RTKN2: variants seen among roughly 807,000 people sequenced by gnomAD.
RTKN2 encodes the protein rhotekin 2.
In RTKN2, 69 loss-of-function variants were observed where a neutral mutation model predicts 71.5. The observed-to-expected ratio is 0.96, with a 90% CI of 0.79 to 1.18. The LOEUF is 1.18. RTKN2 is among the 50% of genes most tolerant of loss of function. The probability of loss-of-function intolerance (pLI) is 0.00; values close to 1 mark genes in which losing one functional copy is unlikely to be tolerated. For missense variants in RTKN2, 724 were observed against 719.7 expected (o/e 1.01, Z -0.07); for synonymous variants, 236 against 236.5 (o/e 1.00, Z 0.02).
At chr10:62,241,248 C>A in intron 3 of RTKN2, 53 bp from the exon 4 acceptor site, 1 of 1,079,222 alleles carries the variant, frequency 9.3e-7, no homozygotes, top group South Asian at 1.3e-5. Context: ...AAGTTTTATT[C>A]TTTACAGTGA....
rs1234262522 is a variant in RTKN2 at position 62,198,120 on chromosome 10, A to T, written c.1618T>A (p.Ser540Thr). The change falls in exon 12 of 12, where the codon TCT becomes ACT. Residue 540 changes from serine (S) to threonine (T), a missense_variant. Coordinates refer to ENST00000373789, the MANE Select transcript of RTKN2 (RefSeq NM_145307.4). ...AGAGTTGATAGTTTGGTATCCAAAG[A>T]CGATGTCTGAGATACACTTGTTTTT... is the stretch of plus-strand genomic sequence containing the variant. ...WGKTSVSQTS[S>T]LDTKLSTLMH... 20 of 1,614,052 alleles carry T rather than the reference A, an allele frequency of 1.2e-5. No individual in the cohort carries two copies. The highest frequency in any genetic ancestry group is 2.7e-5 in the African/African-American group (2 of 74,934).
intron 3 of RTKN2, among the ~76,000 whole-genome samples, chr10:62,243,049 T>C (rs952080791): frequency 6.6e-6 from 1 of 151,984 alleles, no homozygotes; most frequent in South Asian, 2.1e-4. Flanking sequence ...TTGTTACATA[T>C]GTATACATGT....
chr10:62,253,200 G>A (rs889325349), intron 2 of RTKN2, among the ~76,000 whole-genome samples: 4 of 152,126 alleles, frequency 2.6e-5, no homozygotes, highest in African/African-American at 9.7e-5. Context: ...AACAGAGGAT[G>A]TGATTTTGTT....
chr10:62,192,048 T>G (rs1051467845), downstream of RTKN2, among the ~76,000 whole-genome samples: 1 of 96,524 alleles, frequency 1.0e-5, no homozygotes, highest in African/African-American at 6.3e-5. Flanking sequence ...TATTATAAGG[T>G]TTTTTTTTAT....
chr10:62,268,438 C>A, intron 1 of RTKN2, 113 bp downstream of exon 1: 1 of 1,046,652 alleles, frequency 9.6e-7, no homozygotes, highest in Non-Finnish European at 1.5e-6. Context: ...CTGGCCACCG[C>A]TGAAATAGAG....
chr10:62,231,639 A>G (rs1446475064), intron 6 of RTKN2, among the ~76,000 whole-genome samples: 1 of 151,840 alleles, frequency 6.6e-6, no homozygotes, highest in Non-Finnish European at 1.5e-5. Flanking sequence ...TTTTTTTTCT[A>G]TCAAATAGGG....
rs1413849735 is a variant in RTKN2 at position 62,236,265 on chromosome 10, T to TA, written c.489-3dup. 9 of 1,586,696 alleles carry TA rather than the reference T, an allele frequency of 5.7e-6. No homozygotes were observed. In the African/African-American group the frequency reaches 1.2e-4, roughly 21 times the overall value. The stretch of plus-strand genomic sequence containing the variant: ...TGAAAGTCTGGCCCTGCTTCATTAC[T>TA]AAAAACAAGGGCATTCATAATGTTG... On this transcript the variant is annotated splice_region_variant and splice_polypyrimidine_tract_variant and intron_variant, in intron 5 of 11. Transcript: ENST00000373789.
chr10:62,215,217 T>C (rs1841744163), intron 9 of RTKN2: 1 of 541,968 alleles, frequency 1.8e-6, no homozygotes, highest in Non-Finnish European at 3.1e-6. Context: ...AAAGCCAAAG[T>C]AGACATAATC....
chr10:62,217,337 T>C (rs540552216), intron 8 of RTKN2, 88 bp from the exon 9 acceptor site: 3 of 937,104 alleles, frequency 3.2e-6, no homozygotes, highest in African/African-American at 1.7e-5. Context: ...AAGGTTAAAT[T>C]AGTTATTTAG....
At chr10:62,192,466 C>T (rs566250397), downstream of RTKN2, among the ~76,000 whole-genome samples, 10 of 152,030 alleles carry the variant, frequency 6.6e-5, no homozygotes, top group Admixed American at 2.0e-4. Flanking sequence ...CCCATGAAGA[C>T]GATGAGATAT....
intron 2 of RTKN2, among the ~76,000 whole-genome samples, chr10:62,259,625 C>T (rs1367456054): frequency 2.0e-5 from 3 of 152,170 alleles, no homozygotes; most frequent in African/African-American, 7.2e-5. Context: ...AATCACAGCT[C>T]ACTCCAGCCT....
chr10:62,262,602 C>T (rs772939168), intron 2 of RTKN2, 23 bp downstream of exon 2: 3 of 1,492,310 alleles, frequency 2.0e-6, no homozygotes, highest in Non-Finnish European at 2.8e-6. Flanking sequence ...CATTAAAAGC[C>T]ACAGGTAAAC....
rs767759063 is a variant in RTKN2 at position 62,268,581 on chromosome 10, C to G, written c.30G>C (p.Ala10=). The change falls in exon 1 of 12, where the codon GCG becomes GCC. Residue 10 remains alanine (A), a synonymous_variant. Coordinates refer to ENST00000373789, the MANE Select transcript of RTKN2 (RefSeq NM_145307.4). MEGPSLRGP[A]LRLAGLPTQQ... ...GGGTGGGAAGCCCCGCCAGGCGGAG[C>G]GCAGGACCCCTCAGGCTCGGCCCCT... 1.9e-6 allele frequency: 3 copies of G among 1,566,244 alleles called. No individual in the cohort carries two copies. The South Asian group carries it at 3.5e-5, about 18-fold the overall frequency.
chr10:62,267,802 G>T (rs1465527124), intron 1 of RTKN2, among the ~76,000 whole-genome samples: 1 of 152,122 alleles, frequency 6.6e-6, no homozygotes, highest in Non-Finnish European at 1.5e-5. Flanking sequence ...TAGAAGTGAA[G>T]GTCCAGCTTA....
At chr10:62,186,439 C>G (rs956903466) in intron 8 of RTKN2, among the ~76,000 whole-genome samples, 1 of 151,886 alleles carries the variant, frequency 6.6e-6, no homozygotes, top group African/African-American at 2.4e-5. Flanking sequence ...TTTTCAACCA[C>G]GGAGGAAGAC....
rs1038163762 is a variant in RTKN2 at position 62,242,097 on chromosome 10, C to T, written c.317-902G>A. On this transcript the variant is annotated intron_variant, in intron 3 of 11. Transcript: ENST00000373789. ...TTCTGGGCTCAAGCAATCTGCCCTC[C>T]TTGGCCTCCCCAAGTGCTGGGATTA... Among the ~76,000 whole-genome samples, 7 of 151,304 alleles carry T rather than the reference C, an allele frequency of 4.6e-5. 1 individual carries two copies. Among genetic ancestry groups the T allele is most frequent in the African/African-American group, 1.7e-4 (7 of 41,120 alleles).
intron 9 of RTKN2, among the ~76,000 whole-genome samples, chr10:62,211,711 A>AT (rs1841662071): frequency 6.6e-6 from 1 of 152,148 alleles, no homozygotes; most frequent in African/African-American, 2.4e-5. Flanking sequence ...CCCAGGCTGG[A>AT]GTGCAGTGGC....
In RTKN2 at chr10:62,268,798, C is replaced by G. The variant is rs760067389; in HGVS notation, c.-188G>C. The G allele has an allele frequency of 1.7e-6, 1 of 585,684 alleles. No individual in the cohort carries two copies. Among genetic ancestry groups the G allele is most frequent in the Non-Finnish European group, 2.9e-6 (1 of 343,824 alleles). The allele number at this position is 585,684 out of a possible 1,614,324, so 36.3% of individuals were successfully genotyped here. A position where few individuals can be genotyped will look rare whatever the true frequency, so the allele number is the denominator to read the frequency against. On this transcript the variant is annotated 5_prime_UTR_variant, in exon 1 of 12. Transcript: ENST00000373789. ...TGGGCGCGCCTTGCGCTCTGCAGCT[C>G]CCGCCGCCGGAAGTTGCCGAGACCC...
chr10:62,241,404 C>A (rs190734168), intron 3 of RTKN2, among the ~76,000 whole-genome samples: 2 of 152,100 alleles, frequency 1.3e-5, no homozygotes, highest in African/African-American at 4.8e-5. Context: ...AAAATATATT[C>A]TTCTTATAAA....
Sources: allele counts gnomAD v4.1 joint callset (sites outside exome capture counted in the v4.1 genomes callset), GRCh38; gene constraint gnomAD v4.1.1; transcripts MANE v1.5; gene names NCBI Gene and HGNC (gene_info 2026-07-23, HGNC 2026-07-21).